TMCC2: variants seen among roughly 807,000 people sequenced by gnomAD.
TMCC2 encodes the protein transmembrane and coiled-coil domains protein 2.
A neutral mutation model predicts 49.4 loss-of-function variants in TMCC2; 16 were observed. The ratio of observed to expected loss-of-function variants is 0.32; its 90% CI spans 0.22 to 0.49. The LOEUF (loss-of-function observed/expected upper bound fraction) is 0.49. Among genes scored for constraint, TMCC2 ranks in the 20% least tolerant of loss-of-function variants. The pLI is 0.99. For missense variants in TMCC2, 762 were observed against 989.8 expected (o/e 0.77, Z 3.09); for synonymous variants, 397 against 434.1 (o/e 0.91, Z 1.06).
At chr1:205,248,866 A>G (rs1014319680) in intron 2 of TMCC2, among the ~76,000 whole-genome samples, 14 of 152,202 alleles carry the variant, frequency 9.2e-5, no homozygotes, top group South Asian at 4.1e-4. Context: ...GGGCTTGTGC[A>G]TGGAGTGTCA....
Position 205,269,197 on chromosome 1 carries a change from TCAAG to T in TMCC2, c.1000_1003del (p.Gln334CysfsTer27), listed in dbSNP as rs1661473816. The T allele has an allele frequency of 6.2e-7, 1 of 1,613,966 alleles. No individual in the cohort carries two copies. The highest frequency in any genetic ancestry group is 8.5e-7 in the Non-Finnish European group (1 of 1,180,038). ...GCGGACAAGCAGCAGGTGTCACGCA[TCAAG>T]CAAGTGTTCGAGAAGAAGAACCAGA... On this transcript the variant is annotated frameshift_variant, in exon 3 of 5. Coordinates refer to ENST00000358024, the MANE Select transcript of TMCC2 (RefSeq NM_014858.4). LOFTEE classifies it high-confidence loss of function.
chr1:205,253,406 C>T (rs1660744481), intron 2 of TMCC2, among the ~76,000 whole-genome samples: 1 of 152,152 alleles, frequency 6.6e-6, no homozygotes, highest in African/African-American at 2.4e-5. Flanking sequence ...TCCAGTCCAC[C>T]CTTCTCAGAT....
At chr1:205,266,341 A>G (rs1295836060) in intron 2 of TMCC2, among the ~76,000 whole-genome samples, 1 of 151,886 alleles carries the variant, frequency 6.6e-6, no homozygotes, top group Non-Finnish European at 1.5e-5. Flanking sequence ...TTGTAATCCC[A>G]GCACTTTGGG....
chr1:205,244,909 T>C (rs1660400578), intron 2 of TMCC2, among the ~76,000 whole-genome samples: 1 of 151,796 alleles, frequency 6.6e-6, no homozygotes, highest in Non-Finnish European at 1.5e-5. Context: ...GGAGAGGGCA[T>C]TGGAGTTTAC....
intron 1 of TMCC2, chr1:205,229,596 C>G: frequency 1.0e-6 from 1 of 971,496 alleles, no homozygotes; most frequent in Non-Finnish European, 1.2e-6. Context: ...GATTTCCTGC[C>G]GTTAGGTGGA....
chr1:205,231,413 C>T (rs1457191576), intron 1 of TMCC2, among the ~76,000 whole-genome samples: 1 of 152,280 alleles, frequency 6.6e-6, no homozygotes, highest in East Asian at 1.9e-4. Flanking sequence ...TCCCCAATCT[C>T]AGCCTCCCAA....
chr1:205,270,651 G>C (rs1668869), intron 3 of TMCC2, among the ~76,000 whole-genome samples: 37,718 of 152,130 alleles, frequency 0.25, 6,198 homozygotes, highest in Non-Finnish European at 0.36. Context: ...TCACATAACA[G>C]TCATCTTACG....
In TMCC2 at chr1:205,269,542, A is replaced by T; in HGVS notation, c.1340A>T (p.Asp447Val). Residue 447 changes from aspartate (D) to valine (V), a missense_variant, in exon 3 of 5, where the codon GAC (aspartate) becomes GTC (valine). Around this residue, in one of 2 missense-constraint regions of TMCC2, gnomAD observed 440 missense variants for 636.7 expected, o/e 0.69. Coordinates refer to ENST00000358024, the MANE Select transcript of TMCC2 (RefSeq NM_014858.4). ...GCTGACAACATCGCCCACCTGAAGG[A>T]CCCCCTGGAAGATGGGCCCCCTGAG... ...GSADNIAHLK[D>V]PLEDGPPEEA... The T allele has an allele frequency of 6.2e-7, 1 of 1,613,328 alleles. No homozygotes were observed. Among genetic ancestry groups the T allele is most frequent in the Non-Finnish European group, 8.5e-7 (1 of 1,179,700 alleles).
intron 2 of TMCC2, chr1:205,256,111 C>T: frequency 9.4e-7 from 1 of 1,063,992 alleles, no homozygotes; most frequent in Non-Finnish European, 1.3e-6. Context: ...GGGCCCTTAT[C>T]TCTTCACACC....
chr1:205,248,791 TCCC>T (rs1417432222), intron 2 of TMCC2, among the ~76,000 whole-genome samples: 1 of 151,816 alleles, frequency 6.6e-6, no homozygotes. Context: ...CTCTCATCTC[TCCC>T]AGGCCTGGTT....
At chr1:205,252,785 A>G (rs1358066081) in intron 2 of TMCC2, among the ~76,000 whole-genome samples, 1 of 148,158 alleles carries the variant, frequency 6.7e-6, no homozygotes, top group Non-Finnish European at 1.5e-5. Context: ...CCAGTTTCCC[A>G]CCCTTCAAAA....
intron 1 of TMCC2, among the ~76,000 whole-genome samples, chr1:205,230,714 A>G (rs1213173441): frequency 1.3e-5 from 2 of 151,950 alleles, no homozygotes; most frequent in African/African-American, 4.8e-5. Context: ...TTATTCCCCC[A>G]GTTGCCTTCA....
chr1:205,253,478 C>A (rs1660747705), intron 2 of TMCC2, among the ~76,000 whole-genome samples: 1 of 152,130 alleles, frequency 6.6e-6, no homozygotes, highest in South Asian at 2.1e-4. Context: ...AAGAGTGAAG[C>A]CAGAGACCCC....
At chr1:205,268,893 GGC>G in intron 2 of TMCC2, 55 bp from the exon 3 acceptor site, 2 of 1,548,110 alleles carry the variant, frequency 1.3e-6, no homozygotes, top group Non-Finnish European at 1.8e-6. Context: ...GGCATCCAGG[GGC>G]ACTCCTATGG....
chr1:205,246,834 G>C (rs1660472186), intron 2 of TMCC2: 10 of 805,976 alleles, frequency 1.2e-5, no homozygotes, highest in Non-Finnish European at 1.9e-5. Flanking sequence ...GACCTCCTGA[G>C]CAGGGGGAAG....
At chr1:205,239,798 A>G (rs1404055401) in intron 1 of TMCC2, among the ~76,000 whole-genome samples, 1 of 152,196 alleles carries the variant, frequency 6.6e-6, no homozygotes, top group Non-Finnish European at 1.5e-5. Context: ...ATTTTACACA[A>G]ATACATAATA....
intron 1 of TMCC2, among the ~76,000 whole-genome samples, chr1:205,234,631 A>T (rs1160035401): frequency 6.6e-6 from 1 of 152,090 alleles, no homozygotes; most frequent in Admixed American, 6.5e-5. Flanking sequence ...GGGGTTAATC[A>T]GGAAAGTTGT....
chr1:205,252,930 G>C (rs1395015828), intron 2 of TMCC2, among the ~76,000 whole-genome samples: 1 of 151,464 alleles, frequency 6.6e-6, no homozygotes, highest in Admixed American at 6.6e-5. Context: ...AGGCCAGCCT[G>C]GGCAACATAG....
chr1:205,235,771 T>A (rs554997485), intron 1 of TMCC2, among the ~76,000 whole-genome samples: 35 of 152,234 alleles, frequency 2.3e-4, no homozygotes, highest in African/African-American at 7.7e-4. Context: ...GTGACTGTGC[T>A]AGAAAAACAG....
Sources: allele counts gnomAD v4.1 joint callset (sites outside exome capture counted in the v4.1 genomes callset), GRCh38; gene constraint gnomAD v4.1.1; regional missense constraint gnomAD v4.1.1; transcripts MANE v1.5; gene names NCBI Gene and HGNC (gene_info 2026-07-23, HGNC 2026-07-21).